ORC3: variants seen among roughly 807,000 people sequenced by gnomAD.
ORC3 encodes homolog of latheo, Drosophila.
Under a neutral mutation model 100.7 loss-of-function variants are expected in ORC3, and 78 were observed. That is an observed-to-expected ratio of 0.77 (90% CI 0.65 to 0.94). ORC3 has a LOEUF of 0.94. Ranked by LOEUF, ORC3 falls within the 40% of genes least tolerant of loss-of-function variation. The pLI is 0.00. For synonymous variants in ORC3, 295 were observed against 289.3 expected, an observed-to-expected ratio of 1.02 and a Z score of -0.20; for missense variants, 789 against 823.9, an observed-to-expected ratio of 0.96 and a Z score of 0.52.
chr6:87,677,561 AACT>A, the ORC3 span, among the ~76,000 whole-genome samples: 8 of 152,292 alleles, frequency 5.3e-5, 1 homozygote, highest in African/African-American at 7.2e-5. Flanking sequence ...AATTGAGGTA[AACT>A]ACTAACATCA....
At chr6:87,601,954 C>T in intron 3 of ORC3, 73 bp downstream of exon 3, 1 of 868,128 alleles carries the variant, frequency 1.2e-6, no homozygotes, top group Non-Finnish European at 2.0e-6. Flanking sequence ...TTCCTTTCCA[C>T]CAGTTTACAA....
At chr6:87,606,754 G>C (rs947512167) in intron 5 of ORC3, among the ~76,000 whole-genome samples, 5 of 152,162 alleles carry the variant, frequency 3.3e-5, no homozygotes, top group Admixed American at 6.5e-5. Context: ...GGGTCTTGCT[G>C]TGTTGTCCAG....
In ORC3 at chr6:87,603,429, G is replaced by T. The variant is rs771719506; in HGVS notation, c.223G>T (p.Glu75Ter). ...LNKNLFDNLI[E>*]FLQKSHSGFQ... ...TAAAAACTTGTTTGACAATCTGATT[G>T]AATTTCTGCAAAAATCACATTCTGG... Residue 75 changes from glutamate (E) to a stop codon, truncating the protein, a stop_gained, in exon 4 of 20, where the codon GAA (glutamate) becomes TAA (stop). Transcript: ENST00000392844. LOFTEE classifies it high-confidence loss of function. The T allele has an allele frequency of 2.0e-6, 3 of 1,531,358 alleles. No homozygotes were observed. Among genetic ancestry groups the T allele is most frequent in the East Asian group, 2.3e-5 (1 of 44,128 alleles). 94.9% of individuals were successfully genotyped at this position (1,531,358 alleles called of 1,614,324 possible). A position where few individuals can be genotyped will look rare whatever the true frequency, so the allele number is the denominator to read the frequency against.
intron 12 of ORC3, 33 bp from the exon 13 acceptor site, chr6:87,636,374 T>C (rs1349426872): frequency 1.5e-6 from 2 of 1,370,550 alleles, no homozygotes; most frequent in Admixed American, 1.8e-5. Flanking sequence ...GTATACACTT[T>C]TGGTTCCTCA....
the ORC3 span, among the ~76,000 whole-genome samples, chr6:87,676,703 C>G: frequency 6.6e-6 from 1 of 151,350 alleles, no homozygotes; most frequent in Non-Finnish European, 1.5e-5. Context: ...TCGCTTGAGC[C>G]CGGGAGGCAG....
chr6:87,597,710 C>CACAT lies in ORC3; in HGVS notation c.79+3304_79+3305insCATA, dbSNP rs1554234483. On this transcript the variant is annotated intron_variant, in intron 2 of 19. Coordinates refer to ENST00000392844, the MANE Select transcript of ORC3 (RefSeq NM_012381.4). ...ACACACACACACACACACACACACACATATATATATAATTTTTTTTTAAAA... is the reference window on the plus strand; with the variant it reads ...ACACACACACACACACACACACACACACATATATATATATAATTTTTTTTTAAAA... Among the ~76,000 whole-genome samples the CACAT allele has an allele frequency of 2.6e-4, 36 of 140,694 alleles. No individual in the cohort carries two copies. The South Asian group carries it at 6.2e-3, about 24-fold the overall frequency. 92.3% of individuals were successfully genotyped at this position (140,694 alleles called of 152,430 possible).
chr6:87,634,691 T>G lies in ORC3; in HGVS notation c.1186-154T>G, dbSNP rs565958655. Among the ~76,000 whole-genome samples the G allele has an allele frequency of 8.5e-5, 13 of 152,388 alleles. No homozygotes were observed. The East Asian group carries it at 2.5e-3, about 29-fold the overall frequency. On this transcript the variant is annotated intron_variant, in intron 11 of 19. Coordinates refer to ENST00000392844, the MANE Select transcript of ORC3 (RefSeq NM_012381.4). The stretch of plus-strand genomic sequence containing the variant: ...AATCAGAAATGCTCTGCCTGTATTC[T>G]GGATTTTATATGTATTTCAAATTTT...
intron 13 of ORC3, among the ~76,000 whole-genome samples, chr6:87,640,443 G>C (rs1768160220): frequency 6.6e-6 from 1 of 152,154 alleles, no homozygotes; most frequent in South Asian, 2.1e-4. Flanking sequence ...TGAGCTCAGT[G>C]GTTCTGCATA....
intron 13 of ORC3, among the ~76,000 whole-genome samples, chr6:87,646,537 G>A (rs951785578): frequency 6.6e-6 from 1 of 152,174 alleles, no homozygotes; most frequent in African/African-American, 2.4e-5. Context: ...CTCTTTAACT[G>A]ATTACAATTA....
intron 4 of ORC3, among the ~76,000 whole-genome samples, chr6:87,604,074 C>A (rs1427196250): frequency 1.3e-5 from 2 of 152,170 alleles, no homozygotes; most frequent in East Asian, 3.8e-4. Flanking sequence ...ACTTAAACAT[C>A]CATCATTAAT....
intron 1 of ORC3, among the ~76,000 whole-genome samples, chr6:87,593,600 A>G (rs562366660): frequency 3.9e-5 from 6 of 152,264 alleles, no homozygotes; most frequent in African/African-American, 1.4e-4. Context: ...AACAGCTGCA[A>G]TTATCTATTT....
At chr6:87,673,191 C>A in the ORC3 span, among the ~76,000 whole-genome samples, 2 of 130,656 alleles carry the variant, frequency 1.5e-5, no homozygotes, top group Admixed American at 1.7e-4. Flanking sequence ...GACAGAGTCT[C>A]ACTCTGTCAC....
intron 13 of ORC3, chr6:87,650,935 A>G: frequency 3.1e-6 from 1 of 323,140 alleles, no homozygotes; most frequent in Non-Finnish European, 6.2e-6. Flanking sequence ...TGGACCTGGG[A>G]GGCAGAGGTT....
intron 9 of ORC3, among the ~76,000 whole-genome samples, chr6:87,616,706 A>C (rs1332774432): frequency 6.6e-6 from 1 of 152,088 alleles, no homozygotes; most frequent in Non-Finnish European, 1.5e-5. Flanking sequence ...TTTGTTTCCG[A>C]GACTCTCATG....
At position 87,615,922 on chromosome 6, in the gene ORC3, C is replaced by T. The variant is rs78143896; in HGVS notation, c.874-392C>T. On this transcript the variant is annotated intron_variant, in intron 8 of 19. Transcript: ENST00000392844. Reference sequence around the variant, plus strand: ...TCATTCAACAATACATAATATATTACTCTTCATTAATTTGAATCAGTAGTA... The same window carrying T: ...TCATTCAACAATACATAATATATTATTCTTCATTAATTTGAATCAGTAGTA... Among the ~76,000 whole-genome samples the T allele has an allele frequency of 6.6e-5, 10 of 152,038 alleles. No homozygotes were observed. In the East Asian group the frequency reaches 1.9e-3, roughly 29 times the overall value.
At chr6:87,667,922 C>T (rs553345564), downstream of ORC3, among the ~76,000 whole-genome samples, 105 of 138,426 alleles carry the variant, frequency 7.6e-4, no homozygotes, top group African/African-American at 2.5e-3. Flanking sequence ...AGTGAGACTC[C>T]GTGTCAAAAA....
intron 13 of ORC3, among the ~76,000 whole-genome samples, chr6:87,647,833 A>C (rs2128286517): frequency 6.6e-6 from 1 of 152,322 alleles, no homozygotes; most frequent in East Asian, 1.9e-4. Flanking sequence ...CTATATATAA[A>C]CACACTTTTT....
intron 4 of ORC3, among the ~76,000 whole-genome samples, chr6:87,605,568 T>C (rs1025310987): frequency 6.6e-6 from 1 of 151,726 alleles, no homozygotes; most frequent in East Asian, 1.9e-4. Flanking sequence ...GAGAATCACC[T>C]GAACTTGGGA....
chr6:87,603,648 T>C, intron 4 of ORC3, 120 bp downstream of exon 4: 2 of 532,190 alleles, frequency 3.8e-6, no homozygotes, highest in Non-Finnish European at 6.5e-6. Flanking sequence ...CTCTCTTATT[T>C]GTACAATTAA....
Sources: allele counts gnomAD v4.1 joint callset (sites outside exome capture counted in the v4.1 genomes callset), GRCh38; gene constraint gnomAD v4.1.1; transcripts MANE v1.5; gene names NCBI Gene and HGNC (gene_info 2026-07-23, HGNC 2026-07-21).